KCNIP4: variants seen among roughly 807,000 people sequenced by gnomAD.
KCNIP4 encodes Kv channel-interacting protein 4.
KCNIP4 carries 12 observed loss-of-function variants against 34.0 expected under a neutral mutation model. That is an observed-to-expected ratio of 0.35 (90% CI 0.23 to 0.57). The LOEUF (loss-of-function observed/expected upper bound fraction) is 0.57, where lower values mean the gene tolerates loss of function less well. KCNIP4 is among the 20% of genes least tolerant of loss of function. The pLI, the probability that KCNIP4 is intolerant of heterozygous loss-of-function variation, is 0.83. For synonymous variants in KCNIP4, 124 were observed against 102.2 expected (o/e 1.21, Z -1.29); for missense variants, 238 against 311.7 (o/e 0.76, Z 1.78).
rs189361168 is a variant in KCNIP4, at chr4:21,331,928, C to T, written c.62-449219G>A. Among the ~76,000 whole-genome samples the T allele has an allele frequency of 5.2e-3, 789 of 152,094 alleles. 13 individuals carry two copies. The highest frequency in any genetic ancestry group is 0.018 in the African/African-American group (740 of 41,518). ...GTGGGAAGAGACATGATCTCTTCCCCAGTACTTGTAACAATGCATGGCACA... is the reference window on the plus strand; with the variant it reads ...GTGGGAAGAGACATGATCTCTTCCCTAGTACTTGTAACAATGCATGGCACA... On this transcript the variant is annotated intron_variant, in intron 1 of 8. Coordinates refer to ENST00000382152, the MANE Select transcript of KCNIP4 (RefSeq NM_025221.6).
intron 1 of KCNIP4, among the ~76,000 whole-genome samples, chr4:21,477,479 C>T (rs188407829): frequency 6.6e-6 from 1 of 152,260 alleles, no homozygotes; most frequent in African/African-American, 2.4e-5. Flanking sequence ...CCCTAGTCAA[C>T]AGCATATCAA....
intron 1 of KCNIP4, among the ~76,000 whole-genome samples, chr4:21,222,683 T>C (rs552285050): frequency 6.6e-6 from 1 of 152,356 alleles, no homozygotes; most frequent in Admixed American, 6.5e-5. Flanking sequence ...AAGTCTTCCC[T>C]GACTTTCAAT....
At chr4:21,820,284 TGTA>T in intron 1 of KCNIP4, among the ~76,000 whole-genome samples, 7 of 2,246 alleles carry the variant, frequency 3.1e-3, no homozygotes, top group African/African-American at 5.7e-3. Flanking sequence ...TGTGTGTGTG[TGTA>T]TATATATATA....
At chr4:21,246,101 T>C (rs1163732205) in intron 1 of KCNIP4, among the ~76,000 whole-genome samples, 2 of 152,150 alleles carry the variant, frequency 1.3e-5, no homozygotes, top group Non-Finnish European at 2.9e-5. Context: ...ATTAGGCAGA[T>C]GAAGAGACCT....
At chr4:20,940,319 T>G (rs1405387635) in intron 1 of KCNIP4, among the ~76,000 whole-genome samples, 1 of 152,242 alleles carries the variant, frequency 6.6e-6, no homozygotes, top group Non-Finnish European at 1.5e-5. Flanking sequence ...TTTGATCTTA[T>G]GTCTGTCTCC....
rs539199575 is a variant in KCNIP4 at position 21,395,858 on chromosome 4, T to C, written c.62-513149A>G. 2.6e-5 allele frequency among the ~76,000 whole-genome samples: 4 copies of C among 152,208 alleles called. No individual in the cohort carries two copies. In the South Asian group the frequency reaches 8.3e-4, roughly 32 times the overall value. ...GACAAAATAATTTCAAAGTTCTGAATCACTTATTTGGTTTAAATGAGATTT... is the reference window on the plus strand; with the variant it reads ...GACAAAATAATTTCAAAGTTCTGAACCACTTATTTGGTTTAAATGAGATTT... On this transcript the variant is annotated intron_variant, in intron 1 of 8. Coordinates refer to ENST00000382152, the MANE Select transcript of KCNIP4 (RefSeq NM_025221.6).
At chr4:21,182,510 T>C (rs1239959084) in intron 1 of KCNIP4, among the ~76,000 whole-genome samples, 2 of 151,122 alleles carry the variant, frequency 1.3e-5, no homozygotes, top group African/African-American at 2.4e-5. Flanking sequence ...ACAGTTTTGT[T>C]ACATGGATAT....
At chr4:21,574,358 T>C (rs934327706) in intron 1 of KCNIP4, among the ~76,000 whole-genome samples, 1 of 152,088 alleles carries the variant, frequency 6.6e-6, no homozygotes, top group African/African-American at 2.4e-5. Context: ...TCCAGCTTTC[T>C]TGTATAGAGA....
Position 21,291,945 on chromosome 4 carries a change from GAA to G in KCNIP4, c.62-409238_62-409237del, listed in dbSNP as rs5856621. On this transcript the variant is annotated intron_variant, in intron 1 of 8. Transcript: ENST00000382152. ...AAAGAAAGAAAGAAAGAAAAAAAAA[GAA>G]AAAAGTCTGATGAATAAATCTTCAT... 2.5e-3 allele frequency among the ~76,000 whole-genome samples: 260 copies of G among 106,008 alleles called. 5 individuals carry two copies. Among genetic ancestry groups the G allele is most frequent in the South Asian group, 0.023 (69 of 3,046 alleles). The allele number at this position is 106,008 out of a possible 152,430, so 69.5% of individuals were successfully genotyped here. A position where few individuals can be genotyped will look rare whatever the true frequency, so the allele number is the denominator to read the frequency against.
At position 20,905,522 on chromosome 4, in the gene KCNIP4, T is replaced by TTTTTTTTTTTTTTG. The variant is rs768668990; in HGVS notation, c.62-22814_62-22813insCAAAAAAAAAAAAA. ...AACGTTTTCTTTCTTTTTTTTTTTT[T>TTTTTTTTTTTTTTG]TTTGTTTGAGATGGAGTCTTGCTCT... On this transcript the variant is annotated intron_variant, in intron 1 of 8. Transcript: ENST00000382152. Among the ~76,000 whole-genome samples, 119 of 111,226 alleles carry TTTTTTTTTTTTTTG rather than the reference T, an allele frequency of 1.1e-3. 1 individual carries two copies. Among genetic ancestry groups the TTTTTTTTTTTTTTG allele is most frequent in the East Asian group, 3.1e-3 (10 of 3,250 alleles). The allele number at this position is 111,226 out of a possible 152,430, so 73.0% of individuals were successfully genotyped here.
intron 1 of KCNIP4, among the ~76,000 whole-genome samples, chr4:21,546,201 A>G (rs1248397441): frequency 6.6e-6 from 1 of 152,150 alleles, no homozygotes; most frequent in Admixed American, 6.6e-5. Context: ...CTATAATCAT[A>G]GCAATGACAT....
chr4:21,646,404 A>C (rs913190696), intron 1 of KCNIP4, among the ~76,000 whole-genome samples: 7 of 152,150 alleles, frequency 4.6e-5, no homozygotes, highest in African/African-American at 1.4e-4. Flanking sequence ...TAATGAGTCA[A>C]TATTGTTGTC....
intron 1 of KCNIP4, among the ~76,000 whole-genome samples, chr4:21,892,336 G>A (rs1198252875): frequency 1.3e-5 from 2 of 151,250 alleles, no homozygotes; most frequent in Non-Finnish European, 2.9e-5. Flanking sequence ...AAAAAAAGGT[G>A]AATCTAGGCT....
At chr4:21,344,311 A>G (rs1578104849) in intron 1 of KCNIP4, among the ~76,000 whole-genome samples, 1 of 152,256 alleles carries the variant, frequency 6.6e-6, no homozygotes, top group East Asian at 1.9e-4. Context: ...CTTGTTCACT[A>G]TGGGAAAGGA....
At chr4:21,017,652 A>G (rs1441650645) in intron 1 of KCNIP4, among the ~76,000 whole-genome samples, 1 of 152,188 alleles carries the variant, frequency 6.6e-6, no homozygotes, top group East Asian at 1.9e-4. Flanking sequence ...CAAGGAACAT[A>G]TGTGTGCATG....
intron 1 of KCNIP4, among the ~76,000 whole-genome samples, chr4:21,762,423 C>T (rs1349483004): frequency 6.6e-6 from 1 of 152,052 alleles, no homozygotes; most frequent in Non-Finnish European, 1.5e-5. Context: ...TGTCTTTTCT[C>T]ATTATGTTTT....
chr4:21,123,052 A>G (rs1332580886), intron 1 of KCNIP4, among the ~76,000 whole-genome samples: 1 of 152,002 alleles, frequency 6.6e-6, no homozygotes, highest in East Asian at 1.9e-4. Flanking sequence ...CTACCAAAAA[A>G]AAATACAAAA....
chr4:21,872,164 G>C (rs1333696973), intron 1 of KCNIP4, among the ~76,000 whole-genome samples: 1 of 152,168 alleles, frequency 6.6e-6, no homozygotes, highest in African/African-American at 2.4e-5. Context: ...GAAGGACCCA[G>C]CTGATCCTGA....
chr4:21,265,636 T>A (rs1269180573), intron 1 of KCNIP4, among the ~76,000 whole-genome samples: 1 of 152,138 alleles, frequency 6.6e-6, no homozygotes. Context: ...TTAGCAGTAG[T>A]TCATTTTGAA....
Sources: gnomAD v4.1 joint callset for allele counts (sites outside exome capture counted in the v4.1 genomes callset) on GRCh38, gnomAD v4.1.1 for gene constraint, MANE v1.5 for transcripts, NCBI Gene and HGNC (gene_info 2026-07-23, HGNC 2026-07-21) for gene names.